The following WDR37 variants were observed in gnomAD, a reference collection of about 807,000 sequenced individuals.
WDR37 encodes WD repeat domain 37.
WDR37 carries 19 observed loss-of-function variants against 62.9 expected under a neutral mutation model. The observed-to-expected ratio is 0.30, with a 90% CI of 0.21 to 0.44. The LOEUF is 0.44. WDR37 is among the 20% of genes least tolerant of loss of function. The pLI is 1.00. For missense variants in WDR37, 474 were observed against 657.6 expected, an observed-to-expected ratio of 0.72 and a Z score of 3.05; for synonymous variants, 250 against 260.9, an observed-to-expected ratio of 0.96 and a Z score of 0.40.
chr10:1,071,520 A>T (rs189391749), intron 1 of WDR37, among the ~76,000 whole-genome samples: 2 of 152,214 alleles, frequency 1.3e-5, no homozygotes, highest in African/African-American at 2.4e-5. Context: ...TAAATTAGAG[A>T]TTTGAATAAC....
intron 11 of WDR37, among the ~76,000 whole-genome samples, chr10:1,108,831 T>A (rs1449386063): frequency 1.3e-5 from 2 of 149,294 alleles, no homozygotes; most frequent in African/African-American, 4.9e-5. Flanking sequence ...CAGCTCTCAC[T>A]GCATTGACTC....
In WDR37 at chr10:1,061,948, A is replaced by G. The variant is rs181489269; in HGVS notation, c.-41+4980A>G. 9.2e-5 allele frequency among the ~76,000 whole-genome samples: 14 copies of G among 152,074 alleles called. No homozygotes were observed. In the East Asian group the frequency reaches 2.3e-3, roughly 25 times the overall value. On this transcript the variant is annotated intron_variant, in intron 1 of 13. Coordinates refer to ENST00000263150, the MANE Select transcript of WDR37 (RefSeq NM_014023.4). ...ATCCCTAGGATATCTTACTATGTAT[A>G]TGCGGATATTCCAAAATCTGAAAGC... is the stretch of plus-strand genomic sequence containing the variant.
chr10:1,117,767 G>A (rs1835451004), intron 11 of WDR37, among the ~76,000 whole-genome samples: 1 of 152,242 alleles, frequency 6.6e-6, no homozygotes, highest in Non-Finnish European at 1.5e-5. Context: ...AAAGATGGTG[G>A]TGACCATGCT....
In WDR37 at chr10:1,105,825, G is replaced by A. The variant is rs1029519052; in HGVS notation, c.1103+558G>A. On this transcript the variant is annotated intron_variant, in intron 11 of 13. Transcript: ENST00000263150. This position sits in a 1 kb window ranked among gnomAD's most constrained non-coding sequence, Gnocchi z 5.3. The stretch of plus-strand genomic sequence containing the variant: ...TTCTGAGACGGAGTCTCGCTCTGTC[G>A]CCCAGGCTGGAGTGCAGTGGCGCTA... 1.3e-5 allele frequency among the ~76,000 whole-genome samples: 2 copies of A among 151,844 alleles called. No individual in the cohort carries two copies. Among genetic ancestry groups the A allele is most frequent in the South Asian group, 2.1e-4 (1 of 4,806 alleles).
intron 1 of WDR37, among the ~76,000 whole-genome samples, chr10:1,060,725 CA>C (rs1452944261): frequency 1.3e-5 from 2 of 152,166 alleles, no homozygotes; most frequent in Admixed American, 6.5e-5. Context: ...TCGGGTGCCA[CA>C]TAACAAATGA....
chr10:1,099,342 G>A (rs1255239253), intron 9 of WDR37, among the ~76,000 whole-genome samples: 8 of 152,222 alleles, frequency 5.3e-5, no homozygotes, highest in African/African-American at 1.9e-4. Context: ...TGTAAATGAC[G>A]TCCACGTCTA....
chr10:1,113,566 G>A (rs1433679860), intron 11 of WDR37, among the ~76,000 whole-genome samples: 1 of 152,212 alleles, frequency 6.6e-6, no homozygotes, highest in Non-Finnish European at 1.5e-5. Context: ...CATTCTGGTC[G>A]CCATTCAGAA....
chr10:1,070,887 T>G (rs1407340566), intron 1 of WDR37, among the ~76,000 whole-genome samples: 6 of 152,182 alleles, frequency 3.9e-5, no homozygotes, highest in Admixed American at 3.9e-4. Flanking sequence ...TTAGGGCTAT[T>G]GAGTAAGTGA....
intron 11 of WDR37, among the ~76,000 whole-genome samples, chr10:1,117,658 G>T (rs2387300): frequency 6.6e-6 from 1 of 152,158 alleles, no homozygotes; most frequent in African/African-American, 2.4e-5. Flanking sequence ...GGAGACAGGT[G>T]GGGGTGTCTG....
chr10:1,125,726 T>TGGG (rs1238205155), intron 13 of WDR37, among the ~76,000 whole-genome samples: 1 of 152,184 alleles, frequency 6.6e-6, no homozygotes, highest in Non-Finnish European at 1.5e-5. Context: ...GGTTGTAGGC[T>TGGG]GGGGGTCTTT....
At chr10:1,060,500 T>C (rs1333265124) in intron 1 of WDR37, among the ~76,000 whole-genome samples, 1 of 152,204 alleles carries the variant, frequency 6.6e-6, no homozygotes, top group Non-Finnish European at 1.5e-5. Context: ...CCATAAGCCT[T>C]CTTTGTAATA....
At chr10:1,077,764 CTCTT>C in intron 2 of WDR37, 139 bp from the exon 3 acceptor site, 1 of 649,914 alleles carries the variant, frequency 1.5e-6, no homozygotes, top group Non-Finnish European at 2.5e-6. Context: ...GAACTTTAAA[CTCTT>C]TAAGCATTTT....
chr10:1,096,611 AAATGTCTGTTTT>A (rs1320233805), intron 9 of WDR37: 1 of 244,058 alleles, frequency 4.1e-6, no homozygotes, highest in Non-Finnish European at 7.9e-6. Flanking sequence ...GTGAGAAAAT[AAATGTCTGTTTT>A]TTATGCGTCG....
chr10:1,090,933 C>T (rs1202377146), intron 7 of WDR37, among the ~76,000 whole-genome samples: 1 of 152,178 alleles, frequency 6.6e-6, no homozygotes, highest in East Asian at 1.9e-4. Context: ...CTGCCCCGGC[C>T]TTCCTGCTCC....
At chr10:1,119,230 A>ACAGAG (rs1835498372) in intron 11 of WDR37, among the ~76,000 whole-genome samples, 1 of 152,192 alleles carries the variant, frequency 6.6e-6, no homozygotes, top group Non-Finnish European at 1.5e-5. Context: ...AGTACACGAG[A>ACAGAG]CAGAGCAGAG....
At chr10:1,113,473 T>G (rs1350206010) in intron 11 of WDR37, among the ~76,000 whole-genome samples, 1 of 152,022 alleles carries the variant, frequency 6.6e-6, no homozygotes, top group Non-Finnish European at 1.5e-5. Context: ...AAATACACTT[T>G]GTAAGGCTAT....
intron 9 of WDR37, among the ~76,000 whole-genome samples, chr10:1,100,843 A>T (rs1485255594): frequency 1.3e-5 from 2 of 152,068 alleles, no homozygotes; most frequent in Non-Finnish European, 2.9e-5. Context: ...CTTCAAGGTG[A>T]CGTACCGAGT....
At chr10:1,119,743 T>C (rs1835515071) in intron 11 of WDR37, among the ~76,000 whole-genome samples, 1 of 152,272 alleles carries the variant, frequency 6.6e-6, no homozygotes, top group African/African-American at 2.4e-5. Context: ...TACCTCCTCC[T>C]CTTCTGCACA....
chr10:1,063,984 A>C (rs1220688936), intron 1 of WDR37, among the ~76,000 whole-genome samples: 1 of 152,224 alleles, frequency 6.6e-6, no homozygotes, highest in Non-Finnish European at 1.5e-5. Flanking sequence ...CACTGATGCC[A>C]ACGTAGAGAT....
Sources: gnomAD v4.1 joint callset for allele counts (sites outside exome capture counted in the v4.1 genomes callset) on GRCh38, gnomAD v4.1.1 for gene constraint, Gnocchi (gnomAD v3.1) non-coding constraint, MANE v1.5 for transcripts, NCBI Gene and HGNC (gene_info 2026-07-23, HGNC 2026-07-21) for gene names.